The following RBFOX3 variants were observed in gnomAD, a reference collection of about 807,000 sequenced individuals.
RBFOX3 encodes RNA binding fox-1 homolog 3.
Under a neutral mutation model 48.7 loss-of-function variants are expected in RBFOX3, and 17 were observed. That is an observed-to-expected ratio of 0.35 (90% CI 0.24 to 0.52). The LOEUF (loss-of-function observed/expected upper bound fraction) is 0.52. Among genes scored for constraint, RBFOX3 ranks in the 20% least tolerant of loss-of-function variants. The pLI is 0.94. For missense variants in RBFOX3, 382 were observed against 497.5 expected, an observed-to-expected ratio of 0.77 and a Z score of 2.21; for synonymous variants, 212 against 209.5, an observed-to-expected ratio of 1.01 and a Z score of -0.10.
chr17:79,396,355 G>A (rs1011371636), intron 2 of RBFOX3, among the ~76,000 whole-genome samples: 3 of 152,180 alleles, frequency 2.0e-5, no homozygotes, highest in Non-Finnish European at 4.4e-5. Flanking sequence ...TGCTGCCCAC[G>A]AGGACTCTTG....
intron 2 of RBFOX3, among the ~76,000 whole-genome samples, chr17:79,377,253 G>T (rs1433839957): frequency 6.6e-6 from 1 of 152,052 alleles, no homozygotes; most frequent in Non-Finnish European, 1.5e-5. Flanking sequence ...CAGAGACGTG[G>T]ACCACAGATG....
chr17:79,337,757 CAG>C (rs1400843300), intron 2 of RBFOX3, among the ~76,000 whole-genome samples: 2 of 152,082 alleles, frequency 1.3e-5, no homozygotes, highest in South Asian at 2.1e-4. Flanking sequence ...GCCTGGGCAA[CAG>C]AGCAAGACCC....
intron 2 of RBFOX3, among the ~76,000 whole-genome samples, chr17:79,450,412 A>C (rs12451758): frequency 6.6e-6 from 1 of 152,042 alleles, no homozygotes; most frequent in Non-Finnish European, 1.5e-5. Flanking sequence ...GAAGAGGCAA[A>C]TGCCGAGGTA....
intron 2 of RBFOX3, among the ~76,000 whole-genome samples, chr17:79,466,077 G>A (rs938598024): frequency 7.6e-4 from 116 of 152,320 alleles, no homozygotes; most frequent in African/African-American, 2.7e-3. Flanking sequence ...GTGCATGTGT[G>A]GAGACACCTG....
At chr17:79,655,098 G>T in the RBFOX3 span, among the ~76,000 whole-genome samples, 3,605 of 152,280 alleles carry the variant, frequency 0.024, 151 homozygotes, top group African/African-American at 0.082. Context: ...ACCGGGCCGT[G>T]AGTTAAATGT....
intron 4 of RBFOX3, among the ~76,000 whole-genome samples, chr17:79,225,580 G>T (rs910397676): frequency 3.9e-5 from 6 of 152,166 alleles, no homozygotes; most frequent in Admixed American, 3.9e-4. Context: ...CATGAGCCAT[G>T]TGCCCAGCCC....
At chr17:79,617,375 C>T in the RBFOX3 span, among the ~76,000 whole-genome samples, 2 of 152,220 alleles carry the variant, frequency 1.3e-5, no homozygotes, top group Middle Eastern at 3.4e-3. Flanking sequence ...CTTCCATCCT[C>T]GCCTTCCCTC....
chr17:79,319,543 A>ATATC (rs2078102761), intron 2 of RBFOX3, among the ~76,000 whole-genome samples: 1 of 150,514 alleles, frequency 6.6e-6, no homozygotes, highest in Admixed American at 6.6e-5. Flanking sequence ...CTGCTGGGCT[A>ATATC]TGTCTGGGCT....
intron 1 of RBFOX3, among the ~76,000 whole-genome samples, chr17:79,605,796 T>C (rs2093816065): frequency 6.6e-6 from 1 of 152,194 alleles, no homozygotes; most frequent in Admixed American, 6.5e-5. Flanking sequence ...CCACGGAGGC[T>C]GAGGACCCCC....
At position 79,095,476 on chromosome 17, in the gene RBFOX3, C is replaced by T. The variant is rs962172089; in HGVS notation, c.998+37G>A. On this transcript the variant is annotated intron_variant, in intron 13 of 14. Coordinates refer to ENST00000693108, the MANE Select transcript of RBFOX3 (RefSeq NM_001350451.2). ...CAGGGATCCTTGTCCATCTTCTCCC[C>T]ACCCTGCTCCAGAACAGTGCTGGCC... is the stretch of plus-strand genomic sequence containing the variant. The T allele has an allele frequency of 1.3e-5, 20 of 1,532,946 alleles. No individual in the cohort carries two copies. In the African/African-American group the frequency reaches 1.7e-4, roughly 13 times the overall value. 95.0% of individuals were successfully genotyped at this position (1,532,946 alleles called of 1,614,324 possible).
At chr17:79,560,060 G>GGGTGGGTGGGT (rs2092107179) in intron 1 of RBFOX3, among the ~76,000 whole-genome samples, 1 of 147,952 alleles carries the variant, frequency 6.8e-6, no homozygotes, top group Non-Finnish European at 1.5e-5. Flanking sequence ...ATGAATAGGT[G>GGGTGGGTGGGT]GGTGGGTGGG....
chr17:79,206,455 C>A (rs2057496927), intron 4 of RBFOX3, among the ~76,000 whole-genome samples: 1 of 152,182 alleles, frequency 6.6e-6, no homozygotes. Context: ...AGAGACACAG[C>A]ACTGACTCCT....
In RBFOX3 at chr17:79,592,184, TGTC is replaced by T. The variant is rs1418394045; in HGVS notation, c.-320+18639_-320+18641del. On this transcript the variant is annotated intron_variant, in intron 1 of 14. Coordinates refer to ENST00000693108, the MANE Select transcript of RBFOX3 (RefSeq NM_001350451.2). Reference sequence around the variant, plus strand: ...TGTGTGTCTGCAGGGTGTGGAGTACTGTCGTCGTATGTGCACACATGCATGCAT... The same window carrying T: ...TGTGTGTCTGCAGGGTGTGGAGTACTGTCGTATGTGCACACATGCATGCAT... Among the ~76,000 whole-genome samples the T allele has an allele frequency of 3.7e-4, 56 of 149,660 alleles. No homozygotes were observed. In the East Asian group the frequency reaches 7.7e-3, roughly 20 times the overall value.
At chr17:79,133,556 A>C (rs1012357712) in intron 4 of RBFOX3, among the ~76,000 whole-genome samples, 1 of 152,092 alleles carries the variant, frequency 6.6e-6, no homozygotes, top group African/African-American at 2.4e-5. Flanking sequence ...AGGTGTCCAA[A>C]TACCTCCTCT....
At chr17:79,627,370 T>C in the RBFOX3 span, among the ~76,000 whole-genome samples, 1 of 152,064 alleles carries the variant, frequency 6.6e-6, no homozygotes, top group Non-Finnish European at 1.5e-5. Context: ...GCCTCCCCGG[T>C]GAAGTAGAGG....
chr17:79,606,359 C>A (rs932314076), intron 1 of RBFOX3, among the ~76,000 whole-genome samples: 5,982 of 152,210 alleles, frequency 0.039, 183 homozygotes, highest in East Asian at 0.21. Context: ...CATCCCTAGG[C>A]CCCTAAATTA....
At chr17:79,382,088 CAGAAT>C (rs2059997382) in intron 2 of RBFOX3, among the ~76,000 whole-genome samples, 1 of 152,246 alleles carries the variant, frequency 6.6e-6, no homozygotes, top group South Asian at 2.1e-4. Flanking sequence ...GCGGGACCCA[CAGAAT>C]AGGAGACCGT....
the RBFOX3 span, among the ~76,000 whole-genome samples, chr17:79,620,569 G>A: frequency 4.3e-4 from 46 of 106,278 alleles, no homozygotes; most frequent in Middle Eastern, 0.016. Context: ...GCACACCCGC[G>A]CGTGCACACA....
At position 79,514,559 on chromosome 17, in the gene RBFOX3, C is replaced by T. The variant is rs1402469781; in HGVS notation, c.-319-31961G>A. ...CTCCTGGATCTCGGCAACCACACAG[C>T]GATATCCTGCCCTTTTGTGGCCACT... On this transcript the variant is annotated intron_variant, in intron 1 of 14. Transcript: ENST00000693108. Among the ~76,000 whole-genome samples, 4 of 152,358 alleles carry T rather than the reference C, an allele frequency of 2.6e-5. No individual in the cohort carries two copies. The South Asian group carries it at 8.3e-4, about 32-fold the overall frequency.
Sources: gnomAD v4.1 joint callset for allele counts (sites outside exome capture counted in the v4.1 genomes callset) on GRCh38, gnomAD v4.1.1 for gene constraint, MANE v1.5 for transcripts, NCBI Gene and HGNC (gene_info 2026-07-23, HGNC 2026-07-21) for gene names.